Variants in CD8B observed in about 807,000 individuals in gnomAD.
The protein encoded by CD8B is T-cell surface glycoprotein CD8 beta chain.
In CD8B, 6 loss-of-function variants were observed where a neutral mutation model predicts 24.2. The ratio of observed to expected loss-of-function variants is 0.25; its 90% confidence interval spans 0.14 to 0.49. The LOEUF (loss-of-function observed/expected upper bound fraction) is 0.49. CD8B is among the 20% of genes least tolerant of loss of function. CD8B has a pLI of 0.98. For synonymous variants in CD8B, 84 were observed against 108.3 expected (o/e 0.78, Z 1.39); for missense variants, 196 against 271.3 (o/e 0.72, Z 1.95).
chr2:86,851,452 C>T (rs1420558714), intron 3 of CD8B, among the ~76,000 whole-genome samples: 2 of 152,064 alleles, frequency 1.3e-5, no homozygotes, highest in African/African-American at 2.4e-5. Context: ...TGCCTGAAAT[C>T]GTTTAGGTGA....
At chr2:86,830,369 C>G (rs994874056) in intron 5 of CD8B, among the ~76,000 whole-genome samples, 1 of 152,180 alleles carries the variant, frequency 6.6e-6, no homozygotes, top group South Asian at 2.1e-4. Context: ...CAGTTCGAGA[C>G]CAGCCTAGCC....
chr2:86,834,760 C>T (rs1209103677), downstream of CD8B, among the ~76,000 whole-genome samples: 2 of 152,028 alleles, frequency 1.3e-5, no homozygotes, highest in Non-Finnish European at 2.9e-5. Context: ...CATGGTGAAA[C>T]CCCGTCTCTA....
At position 86,841,760 on chromosome 2, in the gene CD8B, G is replaced by T; in HGVS notation, c.*547C>A. 1.0e-6 allele frequency: 1 copy of T among 985,550 alleles called. No homozygotes were observed. The highest frequency in any genetic ancestry group is 1.2e-6 in the Non-Finnish European group (1 of 830,054). 61.1% of individuals were successfully genotyped at this position (985,550 alleles called of 1,614,324 possible). A position where few individuals can be genotyped will look rare whatever the true frequency, so the allele number is the denominator to read the frequency against. ...CTATCCTCAAACCCGCAAGTTCCCG[G>T]CCCCAAAGGAAGCCCTCAGAGACTG... On this transcript the variant is annotated 3_prime_UTR_variant, in exon 6 of 6. Transcript: ENST00000390655.
At chr2:86,819,944 C>T (rs993452514) in intron 5 of CD8B, among the ~76,000 whole-genome samples, 3 of 152,114 alleles carry the variant, frequency 2.0e-5, no homozygotes, top group Admixed American at 2.0e-4. Flanking sequence ...TTCCAATTCT[C>T]CTGGATGAGT....
chr2:86,823,201 T>C (rs1253664344), intron 5 of CD8B, among the ~76,000 whole-genome samples: 2 of 152,140 alleles, frequency 1.3e-5, no homozygotes, highest in African/African-American at 2.4e-5. Context: ...GAGACACCAC[T>C]CTTGGTACCT....
intron 3 of CD8B, among the ~76,000 whole-genome samples, chr2:86,850,479 A>T (rs1218842035): frequency 7.2e-5 from 11 of 152,208 alleles, no homozygotes; most frequent in Non-Finnish European, 1.6e-4. Context: ...CCTGGTGTAT[A>T]ATAGCATCTC....
At position 86,838,415 on chromosome 2, in the gene CD8B, A is replaced by G. The variant is rs1488478465; in HGVS notation, c.*3892T>C. 6.6e-6 allele frequency among the ~76,000 whole-genome samples: 1 copy of G among 152,174 alleles called. No individual in the cohort carries two copies. Among genetic ancestry groups the G allele is most frequent in the Non-Finnish European group, 1.5e-5 (1 of 68,042 alleles). Reference sequence around the variant, plus strand: ...AATATTAGAAGATGTAATTTTCTATATTCTCTATTTTATGTATTATATTCT... The same window carrying G: ...AATATTAGAAGATGTAATTTTCTATGTTCTCTATTTTATGTATTATATTCT... On this transcript the variant is annotated 3_prime_UTR_variant, in exon 6 of 6. Transcript: ENST00000390655.
At chr2:86,847,741 T>C (rs1007381830) in intron 3 of CD8B, among the ~76,000 whole-genome samples, 1 of 152,140 alleles carries the variant, frequency 6.6e-6, no homozygotes, top group African/African-American at 2.4e-5. Context: ...AATTTTTGTA[T>C]TTTTAGTAGA....
intron 2 of CD8B, 109 bp from the exon 3 acceptor site, chr2:86,853,195 C>T: frequency 6.6e-7 from 1 of 1,525,058 alleles, no homozygotes; most frequent in Middle Eastern, 2.0e-4. Flanking sequence ...GGAATCCCAA[C>T]ACTTCCGGAG....
intron 2 of CD8B, among the ~76,000 whole-genome samples, chr2:86,854,036 C>T (rs531953127): frequency 5.3e-5 from 8 of 150,248 alleles, no homozygotes; most frequent in East Asian, 2.0e-4. Context: ...CCACCGCACC[C>T]GGCCGACCTA....
At chr2:86,826,669 T>A (rs1376367618) in intron 5 of CD8B, among the ~76,000 whole-genome samples, 1 of 152,066 alleles carries the variant, frequency 6.6e-6, no homozygotes, top group Non-Finnish European at 1.5e-5. Flanking sequence ...TTTTAAGAAG[T>A]AGAACAGGTT....
downstream of CD8B, among the ~76,000 whole-genome samples, chr2:86,834,626 T>A (rs967975122): frequency 3.3e-5 from 5 of 151,958 alleles, no homozygotes; most frequent in Admixed American, 3.3e-4. Flanking sequence ...TCACAATGAC[T>A]AGGAAAAATT....
At chr2:86,853,942 T>C (rs1188161474) in intron 2 of CD8B, among the ~76,000 whole-genome samples, 3 of 152,138 alleles carry the variant, frequency 2.0e-5, no homozygotes. Flanking sequence ...GGTTTCACCA[T>C]GTTGGCCAGG....
intron 5 of CD8B, chr2:86,822,340 T>C: frequency 6.3e-7 from 1 of 1,589,790 alleles, no homozygotes; most frequent in Non-Finnish European, 8.6e-7. Context: ...CAGTAGTCCA[T>C]TCTGGAACAT....
At chr2:86,843,940 T>C (rs1202214202) in intron 5 of CD8B, among the ~76,000 whole-genome samples, 1 of 152,232 alleles carries the variant, frequency 6.6e-6, no homozygotes, top group Non-Finnish European at 1.5e-5. Flanking sequence ...CCTGTTGCCC[T>C]CTTCAATTTA....
At chr2:86,816,672 A>G (rs12477946) in intron 5 of CD8B, among the ~76,000 whole-genome samples, 6,693 of 152,320 alleles carry the variant, frequency 0.044, 297 homozygotes, top group East Asian at 0.12. Flanking sequence ...CCATGTGGGA[A>G]AAACGTAAAA....
chr2:86,829,458 A>G (rs988481601), intron 5 of CD8B, among the ~76,000 whole-genome samples: 3 of 152,076 alleles, frequency 2.0e-5, no homozygotes, highest in Non-Finnish European at 2.9e-5. Context: ...ATTAGGGAAA[A>G]AGGAGTCAGG....
intron 5 of CD8B, chr2:86,844,664 A>G (rs1050157914): frequency 6.8e-7 from 1 of 1,465,570 alleles, no homozygotes; most frequent in Non-Finnish European, 9.2e-7. Context: ...TTTTTTTTAG[A>G]TGGAGTCTCA....
rs1675352898 is a variant in CD8B, at chr2:86,840,151, G to A, written c.*2156C>T. Among the ~76,000 whole-genome samples, 1 of 151,962 alleles carries A rather than the reference G, an allele frequency of 6.6e-6. No individual in the cohort carries two copies. Among genetic ancestry groups the A allele is most frequent in the Admixed American group, 6.6e-5 (1 of 15,260 alleles). ...GGCCAATTTGTGCTGACTTCTCAAA[G>A]CTGGATCAAATGGAAAACACCTGGG... On this transcript the variant is annotated 3_prime_UTR_variant, in exon 6 of 6. Transcript: ENST00000390655.
Sources: gnomAD v4.1 joint callset for allele counts (sites outside exome capture counted in the v4.1 genomes callset) on GRCh38, gnomAD v4.1.1 for gene constraint, MANE v1.5 for transcripts, NCBI Gene and HGNC (gene_info 2026-07-23, HGNC 2026-07-21) for gene names.